HRH1: variants seen among roughly 807,000 people sequenced by gnomAD.
HRH1 encodes the protein histamine receptor H1, also known as histamine H1 receptor.
A neutral mutation model predicts 10.3 loss-of-function variants in HRH1; 6 were observed. The observed-to-expected ratio is 0.58, with a 90% confidence interval of 0.32 to 1.15. The LOEUF (loss-of-function observed/expected upper bound fraction) is 1.15. HRH1 is among the 50% of genes most tolerant of loss of function. The pLI is 0.05. For missense variants in HRH1, 514 were observed against 615.3 expected (o/e 0.84, Z 1.74); for synonymous variants, 242 against 236.7 (o/e 1.02, Z -0.21).
chr3:11,171,896 A>G (rs993741405), intron 1 of HRH1, among the ~76,000 whole-genome samples: 3 of 152,230 alleles, frequency 2.0e-5, no homozygotes, highest in Admixed American at 6.5e-5. Context: ...CAGTAAGGGG[A>G]AAACTTCTTT....
intron 1 of HRH1, among the ~76,000 whole-genome samples, chr3:11,239,820 C>T (rs1015387798): frequency 6.6e-6 from 1 of 152,000 alleles, no homozygotes; most frequent in Non-Finnish European, 1.5e-5. Flanking sequence ...TGGCAGCCCC[C>T]CACCCCCACT....
intron 1 of HRH1, among the ~76,000 whole-genome samples, chr3:11,178,268 C>T (rs1454735541): frequency 6.6e-6 from 1 of 152,194 alleles, no homozygotes; most frequent in South Asian, 2.1e-4. Context: ...TCATCCTCTC[C>T]TCTGTGACAC....
At chr3:11,140,509 A>T (rs1936272531) in intron 1 of HRH1, among the ~76,000 whole-genome samples, 1 of 151,924 alleles carries the variant, frequency 6.6e-6, no homozygotes, top group South Asian at 2.1e-4. Flanking sequence ...ACACCCTGGG[A>T]GCCCCTAGGG....
chr3:11,216,225 A>T (rs1452327156), intron 1 of HRH1, among the ~76,000 whole-genome samples: 1 of 152,162 alleles, frequency 6.6e-6, no homozygotes, highest in Admixed American at 6.5e-5. Context: ...CTCCTCAAAA[A>T]ATTAAACATA....
In HRH1 at chr3:11,242,509, A is replaced by AAAAAAAAAAAT. The variant is rs1559283215; in HGVS notation, c.-35-16494_-35-16493insAAAAAAAAAAT. Among the ~76,000 whole-genome samples the AAAAAAAAAAAT allele has an allele frequency of 8.4e-4, 101 of 120,808 alleles. 4 individuals are homozygous for AAAAAAAAAAAT. Among genetic ancestry groups the AAAAAAAAAAAT allele is most frequent in the African/African-American group, 3.1e-3 (94 of 30,218 alleles). The allele number at this position is 120,808 out of a possible 152,430, so 79.3% of individuals were successfully genotyped here. A position where few individuals can be genotyped will look rare whatever the true frequency, so the allele number is the denominator to read the frequency against. On this transcript the variant is annotated intron_variant, in intron 1 of 1. Transcript: ENST00000431010. Reference sequence around the variant, plus strand: ...AAAAAAAAAAAAAAAAAAAAAAAAAAGCTGTAACACTCACTGCAAAGGTCT... The same window carrying AAAAAAAAAAAT: ...AAAAAAAAAAAAAAAAAAAAAAAAAAAAAAAAAAAATGCTGTAACACTCACTGCAAAGGTCT...
At chr3:11,184,740 A>AC (rs1195397091) in intron 1 of HRH1, among the ~76,000 whole-genome samples, 1 of 151,836 alleles carries the variant, frequency 6.6e-6, no homozygotes, top group Non-Finnish European at 1.5e-5. Context: ...ACTTGGTGAA[A>AC]CCCCGTCTCT....
chr3:11,221,074 G>A (rs116030271), intron 1 of HRH1, among the ~76,000 whole-genome samples: 1,765 of 152,248 alleles, frequency 0.012, 39 homozygotes, highest in African/African-American at 0.04. Context: ...GGTTTAAAGT[G>A]TAACAACTCA....
intron 1 of HRH1, among the ~76,000 whole-genome samples, chr3:11,166,920 CCG>C (rs1937048835): frequency 2.8e-5 from 1 of 35,438 alleles, no homozygotes; most frequent in Non-Finnish European, 6.0e-5. Context: ...TTCTCCAGGC[CCG>C]CAACATCTCC....
At chr3:11,196,977 T>G (rs78331422) in intron 1 of HRH1, among the ~76,000 whole-genome samples, 1 of 130,932 alleles carries the variant, frequency 7.6e-6, no homozygotes. Flanking sequence ...AAAAAAAAAT[T>G]AGCTGGGCAT....
chr3:11,221,318 C>G (rs995155842), intron 1 of HRH1, among the ~76,000 whole-genome samples: 1 of 151,904 alleles, frequency 6.6e-6, no homozygotes, highest in African/African-American at 2.4e-5. Context: ...TTTGGGAGGC[C>G]GAGGTGGGTG....
chr3:11,151,212 G>A (rs907182125), upstream of HRH1, among the ~76,000 whole-genome samples: 1 of 152,204 alleles, frequency 6.6e-6, no homozygotes, highest in African/African-American at 2.4e-5. Flanking sequence ...TTGGAAAGAC[G>A]TGATCTCTTT....
intron 1 of HRH1, among the ~76,000 whole-genome samples, chr3:11,242,480 CAAAAAAAAAAAAAA>C (rs35809891): frequency 4.0e-5 from 2 of 50,362 alleles, no homozygotes; most frequent in South Asian, 1.6e-3. Context: ...GACTCCGTCT[CAAAAAAAAAAAAAA>C]AAAAAAAAAA....
chr3:11,179,191 G>T (rs1212062971), intron 1 of HRH1, among the ~76,000 whole-genome samples: 1 of 152,104 alleles, frequency 6.6e-6, no homozygotes. Context: ...GGGAGGCCGA[G>T]GCAGGAGAAT....
At chr3:11,237,664 C>CTTTTTTTTTTTT (rs376450222) in intron 1 of HRH1, among the ~76,000 whole-genome samples, 4 of 83,088 alleles carry the variant, frequency 4.8e-5, no homozygotes, top group Non-Finnish European at 6.6e-5. Flanking sequence ...TTTTCTTTTC[C>CTTTTTTTTTTTT]TTTTTTTTTT....
chr3:11,157,574 C>G (rs1054930714), intron 1 of HRH1, among the ~76,000 whole-genome samples: 2 of 152,188 alleles, frequency 1.3e-5, no homozygotes, highest in African/African-American at 2.4e-5. Flanking sequence ...AGGACTAAGA[C>G]GCATACTCTT....
chr3:11,242,881 G>C (rs1052160425), intron 1 of HRH1, among the ~76,000 whole-genome samples: 1 of 151,902 alleles, frequency 6.6e-6, no homozygotes, highest in African/African-American at 2.4e-5. Flanking sequence ...CATCTCCCCT[G>C]GCTTCTGCTG....
At chr3:11,193,021 G>C (rs1937578262) in intron 1 of HRH1, among the ~76,000 whole-genome samples, 1 of 152,198 alleles carries the variant, frequency 6.6e-6, no homozygotes, top group South Asian at 2.1e-4. Flanking sequence ...ACCAAGTTTA[G>C]TAATAAATAC....
intron 1 of HRH1, among the ~76,000 whole-genome samples, chr3:11,193,874 CA>C (rs1293182650): frequency 6.6e-6 from 1 of 152,158 alleles, no homozygotes; most frequent in African/African-American, 2.4e-5. Context: ...AACAAATATT[CA>C]GACCTTAAGC....
intron 1 of HRH1, among the ~76,000 whole-genome samples, chr3:11,141,001 G>T (rs1936280883): frequency 6.6e-6 from 1 of 152,098 alleles, no homozygotes; most frequent in Non-Finnish European, 1.5e-5. Flanking sequence ...GGTGTTTGTT[G>T]CCTTTGGAGT....
Sources: gnomAD v4.1 joint callset for allele counts (sites outside exome capture counted in the v4.1 genomes callset) on GRCh38, gnomAD v4.1.1 for gene constraint, MANE v1.5 for transcripts, NCBI Gene and HGNC (gene_info 2026-07-23, HGNC 2026-07-21) for gene names.